The following LRSAM1 variants were observed in gnomAD, a reference collection of about 807,000 sequenced individuals.
LRSAM1 encodes E3 ubiquitin-protein ligase LRSAM1.
Under a neutral mutation model 118.1 loss-of-function variants are expected in LRSAM1, and 96 were observed. That is an observed-to-expected ratio of 0.81 (90% CI 0.69 to 0.96). LRSAM1 has a LOEUF of 0.96. LRSAM1 is among the 40% of genes least tolerant of loss of function. The probability of loss-of-function intolerance (pLI) is 0.00; values close to 1 mark genes in which losing one functional copy is unlikely to be tolerated. For missense variants in LRSAM1, 804 were observed against 915.5 expected (o/e 0.88, Z 1.57); for synonymous variants, 322 against 364.2 (o/e 0.88, Z 1.32).
At chr9:127,454,034 T>G (rs577314075) in intron 2 of LRSAM1, 1 of 229,934 alleles carries the variant, frequency 4.3e-6, no homozygotes, top group Non-Finnish European at 8.0e-6. Flanking sequence ...AGCCCCTGCC[T>G]CCATGGAACT....
chr9:127,486,231 C>T (rs1019171286), intron 17 of LRSAM1, among the ~76,000 whole-genome samples: 1 of 152,244 alleles, frequency 6.6e-6, no homozygotes, highest in Non-Finnish European at 1.5e-5. Flanking sequence ...AGGATTTGAG[C>T]CCGGCAGAGG....
At chr9:127,478,052 C>CAA (rs368060643) in intron 11 of LRSAM1, among the ~76,000 whole-genome samples, 10 of 72,234 alleles carry the variant, frequency 1.4e-4, no homozygotes, top group Admixed American at 2.8e-4. Flanking sequence ...AACTCCGTCT[C>CAA]AAAAAAAAAA....
chr9:127,470,222 T>C lies in LRSAM1; in HGVS notation c.619+2392T>C, dbSNP rs544469133. ...CCAATTTCTATGAAGAAATTCTTTA[T>C]AAAGAAAAGAAGTTTAATTGACTCA... is the stretch of plus-strand genomic sequence containing the variant. On this transcript the variant is annotated intron_variant, in intron 10 of 25. Transcript: ENST00000300417. Among the ~76,000 whole-genome samples, 28 of 152,182 alleles carry C rather than the reference T, an allele frequency of 1.8e-4. 1 individual carries two copies. In the South Asian group the frequency reaches 5.6e-3, roughly 30 times the overall value.
At chr9:127,461,398 C>T (rs1373761511) in intron 8 of LRSAM1, 141 bp downstream of exon 8, 4 of 689,722 alleles carry the variant, frequency 5.8e-6, no homozygotes, top group Non-Finnish European at 1.0e-5. Flanking sequence ...GGACTGACCC[C>T]TGCTGGGTCA....
chr9:127,484,327 T>A (rs1835649665), intron 16 of LRSAM1, among the ~76,000 whole-genome samples: 1 of 151,690 alleles, frequency 6.6e-6, no homozygotes, highest in Non-Finnish European at 1.5e-5. Flanking sequence ...AAAAATTTTC[T>A]TCCTTTTTAA....
At chr9:127,495,272 G>T (rs1205854762) in intron 21 of LRSAM1, 48 bp from the exon 22 acceptor site, 1 of 1,572,720 alleles carries the variant, frequency 6.4e-7, no homozygotes, top group East Asian at 2.2e-5. Context: ...GTTATTACAG[G>T]TTTTATTACC....
chr9:127,501,019 C>T lies in LRSAM1; in HGVS notation c.1922C>T (p.Pro641Leu), dbSNP rs766153071. Residue 641 changes from proline to leucine, a missense_variant, in exon 25 of 26, where the codon CCA becomes CTA. Pro to Leu is a moderately conservative substitution (Grantham distance 98). Coordinates refer to ENST00000300417, the MANE Select transcript of LRSAM1 (RefSeq NM_001005373.4). ...DAARIQPELK[P>L]PMGEVVTPTA... ...TGTCTGGTCCCCACAGAGCTGAAAC[C>T]ACCAATGGGTGAGGTCGTCACCCCT... is the stretch of plus-strand genomic sequence containing the variant. 3.7e-6 allele frequency: 6 copies of T among 1,613,878 alleles called. No individual in the cohort carries two copies. Among genetic ancestry groups the T allele is most frequent in the Non-Finnish European group, 2.5e-6 (3 of 1,180,040 alleles).
At chr9:127,482,928 G>T in intron 15 of LRSAM1, 22 bp from the exon 16 acceptor site, 1 of 1,550,454 alleles carries the variant, frequency 6.4e-7, no homozygotes, top group South Asian at 1.2e-5. Flanking sequence ...TTTGCTGAAT[G>T]AATGGATGGA....
chr9:127,477,722 C>T (rs937184643), intron 11 of LRSAM1, among the ~76,000 whole-genome samples: 1 of 145,660 alleles, frequency 6.9e-6, no homozygotes, highest in African/African-American at 2.6e-5. Flanking sequence ...TGCACTCCAG[C>T]GTGGGCAAGA....
At chr9:127,502,132 G>A (rs1046134156) in intron 25 of LRSAM1, among the ~76,000 whole-genome samples, 12 of 152,380 alleles carry the variant, frequency 7.9e-5, no homozygotes, top group East Asian at 5.8e-4. Context: ...AACACCCTGC[G>A]TGCCCTCCGG....
In LRSAM1 at chr9:127,496,024, C is replaced by T. The variant is rs936559080; in HGVS notation, c.1759C>T (p.Leu587=). Residue 587 remains leucine, a synonymous_variant, in exon 23 of 26, where the codon CTG becomes TTG. Coordinates refer to ENST00000300417, the MANE Select transcript of LRSAM1 (RefSeq NM_001005373.4). ...LLEELSAEHY[L]PIFAHHRLSL... is the part of the protein sequence containing the mutation. ...GGAGGAGCTGTCGGCTGAGCACTAC[C>T]TGCCCATCTTTGCGCACCACCGCCT... 6 of 1,612,658 alleles carry T rather than the reference C, an allele frequency of 3.7e-6. No homozygotes were observed. In the African/African-American group the frequency reaches 8.0e-5, roughly 22 times the overall value.
At chr9:127,460,701 A>G (rs1490446308) in intron 7 of LRSAM1, among the ~76,000 whole-genome samples, 1 of 151,906 alleles carries the variant, frequency 6.6e-6, no homozygotes, top group Non-Finnish European at 1.5e-5. Flanking sequence ...GGAAACAAGA[A>G]TTTCTGTCTT....
intron 15 of LRSAM1, among the ~76,000 whole-genome samples, chr9:127,481,958 A>T (rs922218630): frequency 2.6e-5 from 4 of 151,882 alleles, no homozygotes; most frequent in African/African-American, 9.7e-5. Flanking sequence ...AAAAAAAGAA[A>T]TTCAGAAAAA....
intron 14 of LRSAM1, 89 bp downstream of exon 14, chr9:127,480,067 C>T (rs1835482184): frequency 6.4e-7 from 1 of 1,564,336 alleles, no homozygotes; most frequent in African/African-American, 1.4e-5. Flanking sequence ...TCCCTCACTG[C>T]CTCTGCCCCT....
chr9:127,499,537 A>AATAT (rs1554762091), intron 24 of LRSAM1, among the ~76,000 whole-genome samples: 28 of 115,260 alleles, frequency 2.4e-4, no homozygotes, highest in Non-Finnish European at 2.9e-4. Flanking sequence ...TCTAAAAAAA[A>AATAT]ATATATATAT....
In LRSAM1 at chr9:127,489,570, G is replaced by A. The variant is rs374734912; in HGVS notation, c.1422+52G>A. The A allele has an allele frequency of 9.8e-5, 154 of 1,566,808 alleles. 2 individuals carry two copies. In the South Asian group the frequency reaches 1.7e-3, roughly 17 times the overall value. On this transcript the variant is annotated intron_variant, in intron 19 of 25. Transcript: ENST00000300417. ...ACCTGCTCTCTCAGAGACTTGCAGA[G>A]TGGCCCTCCAGGGCGGCAGGTCGCA... is the stretch of plus-strand genomic sequence containing the variant.
At chr9:127,473,712 G>A in intron 10 of LRSAM1, 89 bp from the exon 11 acceptor site, 3 of 1,589,868 alleles carry the variant, frequency 1.9e-6, no homozygotes, top group East Asian at 2.2e-5. Context: ...GTCAGGGTGG[G>A]GCCGGCTGCC....
chr9:127,458,850 C>A (rs1353509327), intron 6 of LRSAM1, among the ~76,000 whole-genome samples, 153 bp from the exon 7 acceptor site: 1 of 152,084 alleles, frequency 6.6e-6, no homozygotes, highest in East Asian at 1.9e-4. Context: ...GAAAATGAGG[C>A]GGGAATGATC....
chr9:127,487,829 G>C, intron 18 of LRSAM1, 66 bp downstream of exon 18: 2 of 1,418,920 alleles, frequency 1.4e-6, no homozygotes, highest in Non-Finnish European at 2.0e-6. Context: ...AGGGCAGAGT[G>C]CAGAGCTCCA....
Sources: allele counts gnomAD v4.1 joint callset (sites outside exome capture counted in the v4.1 genomes callset), GRCh38; gene constraint gnomAD v4.1.1; transcripts MANE v1.5; gene names NCBI Gene and HGNC (gene_info 2026-07-23, HGNC 2026-07-21).